Variants in PLXNA2 observed in about 807,000 individuals in gnomAD.
PLXNA2 encodes plexin-A2.
Under a neutral mutation model 193.5 loss-of-function variants are expected in PLXNA2, and 91 were observed. The ratio of observed to expected loss-of-function variants is 0.47; its 90% CI spans 0.40 to 0.56. The LOEUF is 0.56. PLXNA2 is among the 20% of genes least tolerant of loss of function. The pLI is 0.00. For missense variants in PLXNA2, 1,995 were observed against 2,503.2 expected (o/e 0.80, Z 4.33); for synonymous variants, 997 against 1,027.3 (o/e 0.97, Z 0.56).
intron 4 of PLXNA2, among the ~76,000 whole-genome samples, chr1:208,141,005 C>A (rs570127186): frequency 1.3e-5 from 2 of 152,312 alleles, no homozygotes; most frequent in East Asian, 3.9e-4. Flanking sequence ...GACTGTCTTA[C>A]CCACTCTAGG....
At chr1:208,242,666 A>G (rs7547688) in intron 1 of PLXNA2, among the ~76,000 whole-genome samples, 13,831 of 151,982 alleles carry the variant, frequency 0.091, 793 homozygotes, top group East Asian at 0.26. Context: ...CTTCCTCCCC[A>G]CCATTATTTC....
chr1:208,039,036 G>A, intron 24 of PLXNA2, 52 bp from the exon 25 acceptor site: 1 of 1,550,954 alleles, frequency 6.4e-7, no homozygotes, highest in East Asian at 2.3e-5. Flanking sequence ...GGAGTAGTTT[G>A]AGGGAGAGGG....
At chr1:208,103,362 A>G (rs1483086179) in intron 4 of PLXNA2, 115 bp from the exon 5 acceptor site, 3 of 762,232 alleles carry the variant, frequency 3.9e-6, no homozygotes, top group East Asian at 2.8e-5. Flanking sequence ...TAAAGAGGTG[A>G]TACTGGGCGG....
Position 208,126,495 on chromosome 1 carries a change from G to A in PLXNA2, c.1506+15834C>T, listed in dbSNP as rs189958739. Among the ~76,000 whole-genome samples, 3 of 152,294 alleles carry A rather than the reference G, an allele frequency of 2.0e-5. No individual in the cohort carries two copies. In the East Asian group the frequency reaches 5.8e-4, roughly 29 times the overall value. Reference sequence around the variant, plus strand: ...ATCTTTTTAAAAAGATGTTCAATTTGTTTGTTGAATGTTTGCTGTGTTCTA... The same window carrying A: ...ATCTTTTTAAAAAGATGTTCAATTTATTTGTTGAATGTTTGCTGTGTTCTA... On this transcript the variant is annotated intron_variant, in intron 4 of 31. Coordinates refer to ENST00000367033, the MANE Select transcript of PLXNA2 (RefSeq NM_025179.4).
intron 26 of PLXNA2, among the ~76,000 whole-genome samples, chr1:208,037,879 A>G (rs1394644521): frequency 6.6e-6 from 1 of 151,128 alleles, no homozygotes; most frequent in Non-Finnish European, 1.5e-5. Context: ...AGCCTGAGTA[A>G]TTTTCCCAAG....
chr1:208,095,410 T>C (rs1571909532), intron 8 of PLXNA2, among the ~76,000 whole-genome samples: 1 of 152,096 alleles, frequency 6.6e-6, no homozygotes, highest in Non-Finnish European at 1.5e-5. Context: ...GCTGGTGAGG[T>C]CCGTAGAACT....
At chr1:208,131,644 G>A (rs1668158161) in intron 4 of PLXNA2, among the ~76,000 whole-genome samples, 1 of 152,180 alleles carries the variant, frequency 6.6e-6, no homozygotes, top group Admixed American at 6.5e-5. Flanking sequence ...GGATTGAGCT[G>A]ATATGGGTTT....
chr1:208,113,373 C>T (rs981478705), intron 4 of PLXNA2, among the ~76,000 whole-genome samples: 2 of 152,156 alleles, frequency 1.3e-5, no homozygotes, highest in Non-Finnish European at 2.9e-5. Flanking sequence ...CACACAGAGC[C>T]TGAGTCTAGC....
At chr1:208,125,664 G>A (rs750854212) in intron 4 of PLXNA2, among the ~76,000 whole-genome samples, 3 of 152,026 alleles carry the variant, frequency 2.0e-5, no homozygotes, top group Admixed American at 6.6e-5. Flanking sequence ...TATTCAAACC[G>A]AATATTCTCA....
chr1:208,242,251 A>T (rs1672080533), intron 1 of PLXNA2, among the ~76,000 whole-genome samples: 1 of 152,152 alleles, frequency 6.6e-6, no homozygotes, highest in Non-Finnish European at 1.5e-5. Context: ...TCTGGGAAAG[A>T]AGCCCAGCAA....
At chr1:208,084,294 G>A in intron 10 of PLXNA2, 86 bp downstream of exon 10, 5 of 1,425,004 alleles carry the variant, frequency 3.5e-6, no homozygotes, top group Non-Finnish European at 4.9e-6. Flanking sequence ...GAAGGCTCCG[G>A]AAGCCAGGGC....
In PLXNA2 at chr1:208,093,456, C is replaced by T. The variant is rs150878072; in HGVS notation, c.1983-556G>A. 1.3e-3 allele frequency among the ~76,000 whole-genome samples: 192 copies of T among 152,260 alleles called. 4 individuals carry two copies. In the East Asian group the frequency reaches 0.03, roughly 24 times the overall value. On this transcript the variant is annotated intron_variant, in intron 8 of 31. Coordinates refer to ENST00000367033, the MANE Select transcript of PLXNA2 (RefSeq NM_025179.4). ...CCCTCTGAATTGGAGTATCTTCATC[C>T]GCCTGTAATAAAACATTCCTGTCTA...
chr1:208,197,382 A>C (rs1310193454), intron 3 of PLXNA2, among the ~76,000 whole-genome samples: 1 of 152,266 alleles, frequency 6.6e-6, no homozygotes, highest in African/African-American at 2.4e-5. Context: ...GGGCACTGAC[A>C]GTCACCGAAG....
rs114217947 is a variant in PLXNA2 at position 208,236,419 on chromosome 1, G to A, written c.-81+7224C>T. Among the ~76,000 whole-genome samples, 8,301 of 152,144 alleles carry A rather than the reference G, an allele frequency of 0.055. 353 individuals are homozygous for A. The highest frequency in any genetic ancestry group is 0.14 in the East Asian group (703 of 5,172). On this transcript the variant is annotated intron_variant, in intron 1 of 31. Coordinates refer to ENST00000367033, the MANE Select transcript of PLXNA2 (RefSeq NM_025179.4). This position sits in a 1 kb window ranked among gnomAD's most constrained non-coding sequence, Gnocchi z 4.4. ...ACATCCCCTCTTGCCACTTCTGTCT[G>A]CCCGCTGGTCCTGCTGCCTCTATAA...
At chr1:208,200,937 T>C (rs1670533066) in intron 3 of PLXNA2, among the ~76,000 whole-genome samples, 1 of 152,158 alleles carries the variant, frequency 6.6e-6, no homozygotes. Context: ...GAAAATTATA[T>C]GGGACTAATG....
chr1:208,042,517 C>A (rs1394695669), intron 21 of PLXNA2, 151 bp from the exon 22 acceptor site: 2 of 756,570 alleles, frequency 2.6e-6, no homozygotes, highest in Admixed American at 2.9e-5. Flanking sequence ...TCCACTCACC[C>A]GTGATGATGT....
chr1:208,190,493 T>C (rs562152716), intron 3 of PLXNA2, among the ~76,000 whole-genome samples: 5 of 152,334 alleles, frequency 3.3e-5, no homozygotes, highest in South Asian at 2.1e-4. Flanking sequence ...GGTTGACACA[T>C]GGTTGACGCT....
chr1:208,042,528 A>C (rs1187838495), intron 21 of PLXNA2, among the ~76,000 whole-genome samples, 162 bp from the exon 22 acceptor site: 1 of 152,172 alleles, frequency 6.6e-6, no homozygotes, highest in Non-Finnish European at 1.5e-5. Context: ...GTGATGATGT[A>C]GGAACAGCTG....
Position 208,084,409 on chromosome 1 carries a change from T to A in PLXNA2, c.2269A>T (p.Ser757Cys). 1 of 1,614,266 alleles carries A rather than the reference T, an allele frequency of 6.2e-7. No homozygotes were observed. The highest frequency in any genetic ancestry group is 8.5e-7 in the Non-Finnish European group (1 of 1,180,040). ...IHRVPALRFN[S>C]SSVQCQNSSY... ...CTGTTCTGACACTGAACGCTGGAGC[T>A]GTTGAAGCGCAGAGCGGGGACCCGG... The change falls in exon 10 of 32, where the codon AGC (serine) becomes TGC (cysteine). Residue 757 changes from serine to cysteine, a missense_variant. Ser to Cys is a moderately radical substitution (Grantham distance 112). This residue lies in a region of PLXNA2 where 1,291 missense variants were observed against 1,673.6 expected (regional missense o/e 0.77). Coordinates refer to ENST00000367033, the MANE Select transcript of PLXNA2 (RefSeq NM_025179.4).
Sources: gnomAD v4.1 joint callset for allele counts (sites outside exome capture counted in the v4.1 genomes callset) on GRCh38, gnomAD v4.1.1 for gene constraint, gnomAD v4.1.1 regional missense constraint, Gnocchi (gnomAD v3.1) non-coding constraint, MANE v1.5 for transcripts, NCBI Gene and HGNC (gene_info 2026-07-23, HGNC 2026-07-21) for gene names.